The following EBF1 variants were observed in gnomAD, a reference collection of about 807,000 sequenced individuals.
EBF1 encodes the protein EBF transcription factor 1.
EBF1 carries 10 observed loss-of-function variants against 68.4 expected under a neutral mutation model. The ratio of observed to expected loss-of-function variants is 0.15; its 90% confidence interval spans 0.09 to 0.25. EBF1 has a LOEUF of 0.25. Among genes scored for constraint, EBF1 ranks in the 10% least tolerant of loss-of-function variants. EBF1 has a pLI of 1.00. For missense variants in EBF1, 509 were observed against 794.4 expected (o/e 0.64, Z 4.32); for synonymous variants, 298 against 299.8 (o/e 0.99, Z 0.06).
At chr5:158,830,285 T>C (rs1210649794) in intron 7 of EBF1, among the ~76,000 whole-genome samples, 1 of 152,094 alleles carries the variant, frequency 6.6e-6, no homozygotes, top group Non-Finnish European at 1.5e-5. Context: ...CTTTCATTTT[T>C]TTTTTGAGAT....
intron 5 of EBF1, among the ~76,000 whole-genome samples, chr5:159,074,421 G>C (rs1778367941): frequency 6.6e-6 from 1 of 152,212 alleles, no homozygotes. Context: ...AGTAGATGGG[G>C]AGGGAGGTCC....
intron 6 of EBF1, among the ~76,000 whole-genome samples, chr5:158,950,043 G>C: frequency 6.6e-6 from 1 of 152,190 alleles, no homozygotes; most frequent in East Asian, 1.9e-4. Context: ...GTTCACAGAT[G>C]TTTCCCTAAT....
At chr5:158,883,358 A>G (rs1298571412) in intron 6 of EBF1, among the ~76,000 whole-genome samples, 1 of 151,278 alleles carries the variant, frequency 6.6e-6, no homozygotes, top group Non-Finnish European at 1.5e-5. Flanking sequence ...GTATATATAT[A>G]TATACACATA....
chr5:159,027,681 T>C (rs11135051), intron 6 of EBF1, among the ~76,000 whole-genome samples: 133,073 of 152,212 alleles, frequency 0.87, 58,571 homozygotes, highest in African/African-American at 0.97. Flanking sequence ...TCATAGTCAC[T>C]GCCTGACTTC....
At chr5:158,779,430 T>G (rs559501015) in intron 9 of EBF1, among the ~76,000 whole-genome samples, 63 of 152,300 alleles carry the variant, frequency 4.1e-4, no homozygotes, top group African/African-American at 1.5e-3. Context: ...CAAACTCAGT[T>G]TTTTTCTGAT....
At chr5:159,048,764 G>T (rs1772953836) in intron 6 of EBF1, among the ~76,000 whole-genome samples, 1 of 152,142 alleles carries the variant, frequency 6.6e-6, no homozygotes, top group African/African-American at 2.4e-5. Flanking sequence ...GAAAGCCTCT[G>T]ATCTAAGCCA....
chr5:158,910,081 A>T (rs190108119), intron 6 of EBF1, among the ~76,000 whole-genome samples: 216 of 151,796 alleles, frequency 1.4e-3, no homozygotes, highest in Non-Finnish European at 2.7e-3. Context: ...AACTGCATAC[A>T]TTTGAAATGA....
chr5:158,921,546 C>T (rs1429830543), intron 6 of EBF1, among the ~76,000 whole-genome samples: 1 of 152,198 alleles, frequency 6.6e-6, no homozygotes, highest in African/African-American at 2.4e-5. Context: ...TGCCAAAGGT[C>T]ATCCTTCAGG....
chr5:159,027,077 C>T (rs1035274385), intron 6 of EBF1, among the ~76,000 whole-genome samples: 90 of 152,272 alleles, frequency 5.9e-4, no homozygotes, highest in African/African-American at 2.1e-3. Context: ...TGGATCCATT[C>T]GTCCCTCCAT....
Position 158,721,748 on chromosome 5 carries a change from C to A in EBF1, c.1126-7566G>T, listed in dbSNP as rs79618728. Among the ~76,000 whole-genome samples, 67 of 152,230 alleles carry A rather than the reference C, an allele frequency of 4.4e-4. No homozygotes were observed. In the East Asian group the frequency reaches 0.012, roughly 27 times the overall value. On this transcript the variant is annotated intron_variant, in intron 11 of 15. Coordinates refer to ENST00000313708, the MANE Select transcript of EBF1 (RefSeq NM_024007.5). ...AACTAAGCTTGGGCTCCATGAGGTG[C>A]CAAGCTTCCCTTTCCTGCAAGGGGA...
At chr5:159,002,307 T>A (rs1762699448) in intron 6 of EBF1, among the ~76,000 whole-genome samples, 2 of 152,258 alleles carry the variant, frequency 1.3e-5, no homozygotes, top group Admixed American at 6.5e-5. Context: ...CCTTTCTAAT[T>A]CTCCTTTCTA....
At chr5:158,957,834 CA>C (rs1817446081) in intron 6 of EBF1, among the ~76,000 whole-genome samples, 1 of 152,172 alleles carries the variant, frequency 6.6e-6, no homozygotes, top group Non-Finnish European at 1.5e-5. Flanking sequence ...GAAAAGATGC[CA>C]ACATCACTCC....
At chr5:158,761,851 G>A (rs1004899160) in intron 10 of EBF1, among the ~76,000 whole-genome samples, 1 of 152,144 alleles carries the variant, frequency 6.6e-6, no homozygotes, top group Admixed American at 6.5e-5. Flanking sequence ...TTACATTAAG[G>A]TTTTATAATT....
intron 6 of EBF1, among the ~76,000 whole-genome samples, chr5:158,913,001 T>C (rs138668457): frequency 2.6e-5 from 4 of 152,342 alleles, no homozygotes; most frequent in Non-Finnish European, 5.9e-5. Context: ...CATTCTGATA[T>C]AATCAACATC....
intron 6 of EBF1, among the ~76,000 whole-genome samples, chr5:158,912,022 GGTGA>G (rs1255878460): frequency 6.6e-6 from 1 of 152,082 alleles, no homozygotes; most frequent in South Asian, 2.1e-4. Context: ...TTCTTTAGTG[GGTGA>G]GTAATGACAG....
chr5:158,971,669 C>A (rs2127563638), intron 6 of EBF1, among the ~76,000 whole-genome samples: 1 of 152,228 alleles, frequency 6.6e-6, no homozygotes, highest in South Asian at 2.1e-4. Context: ...CAAAAGACCA[C>A]AGGAAAAACA....
intron 14 of EBF1, among the ~76,000 whole-genome samples, chr5:158,708,432 G>T (rs575385962): frequency 6.6e-6 from 1 of 152,278 alleles, no homozygotes; most frequent in East Asian, 1.9e-4. Context: ...AGGCACTAGG[G>T]TCATCAGCAG....
chr5:159,096,464 G>A, intron 2 of EBF1, 58 bp from the exon 3 acceptor site: 7 of 1,577,022 alleles, frequency 4.4e-6, no homozygotes, highest in Non-Finnish European at 5.2e-6. Context: ...CTGCGTGAGC[G>A]AGTGGACCAA....
At chr5:158,992,055 C>T (rs1277740312) in intron 6 of EBF1, among the ~76,000 whole-genome samples, 1 of 152,084 alleles carries the variant, frequency 6.6e-6, no homozygotes, top group African/African-American at 2.4e-5. Context: ...CTTGGCTCAC[C>T]ACACGGGGCT....
Sources: gnomAD v4.1 joint callset for allele counts (sites outside exome capture counted in the v4.1 genomes callset) on GRCh38, gnomAD v4.1.1 for gene constraint, MANE v1.5 for transcripts, NCBI Gene and HGNC (gene_info 2026-07-23, HGNC 2026-07-21) for gene names.